Variants in CRHR2 observed in about 807,000 individuals in gnomAD.
CRHR2 encodes corticotropin-releasing hormone receptor 2.
Under a neutral mutation model 57.9 loss-of-function variants are expected in CRHR2, and 53 were observed. That is an observed-to-expected ratio of 0.92 (90% CI 0.73 to 1.15). The LOEUF (loss-of-function observed/expected upper bound fraction) is 1.15. Among genes scored for constraint, CRHR2 ranks in the 50% most tolerant of loss-of-function variants. The pLI is 0.00. For missense variants in CRHR2, 532 were observed against 542.6 expected, an observed-to-expected ratio of 0.98 and a Z score of 0.19; for synonymous variants, 213 against 220.9, an observed-to-expected ratio of 0.96 and a Z score of 0.32.
At chr7:30,691,960 A>G (rs1784969963) in intron 1 of CRHR2, among the ~76,000 whole-genome samples, 1 of 152,290 alleles carries the variant, frequency 6.6e-6, no homozygotes, top group South Asian at 2.1e-4. Flanking sequence ...CATTCCAAGG[A>G]CTTGAGAAGA....
At chr7:30,694,212 C>G (rs1416153184) in intron 1 of CRHR2, among the ~76,000 whole-genome samples, 1 of 152,218 alleles carries the variant, frequency 6.6e-6, no homozygotes, top group Non-Finnish European at 1.5e-5. Context: ...GCTTTTCCTG[C>G]TTGTTATATT....
chr7:30,689,322 C>T (rs1433981402), intron 1 of CRHR2: 2 of 1,518,610 alleles, frequency 1.3e-6, no homozygotes, highest in Non-Finnish European at 1.8e-6. Context: ...AGATCAGGCC[C>T]AGGCTAGCCA....
At chr7:30,679,140 G>A (rs1281100059) in intron 2 of CRHR2, among the ~76,000 whole-genome samples, 1 of 152,186 alleles carries the variant, frequency 6.6e-6, no homozygotes, top group Non-Finnish European at 1.5e-5. Context: ...GGCCTCTCCT[G>A]TGCCTATTAC....
At chr7:30,671,578 T>C (rs957257117) in intron 2 of CRHR2, among the ~76,000 whole-genome samples, 3 of 147,664 alleles carry the variant, frequency 2.0e-5, no homozygotes, top group African/African-American at 7.5e-5. Context: ...GGCAGGTGAA[T>C]TGCTTGAGCC....
At chr7:30,699,893 G>A in intron 1 of CRHR2, 1 of 1,417,024 alleles carries the variant, frequency 7.1e-7, no homozygotes, top group South Asian at 1.4e-5. Context: ...AGAGCTGGGA[G>A]CTCCGTGCTC....
rs192285063 is a variant in CRHR2, at chr7:30,659,685, C to T, written c.831+888G>A. 6.6e-5 allele frequency among the ~76,000 whole-genome samples: 10 copies of T among 152,206 alleles called. No homozygotes were observed. In the East Asian group the frequency reaches 1.2e-3, roughly 18 times the overall value. On this transcript the variant is annotated intron_variant, in intron 8 of 11. Transcript: ENST00000471646. The stretch of plus-strand genomic sequence containing the variant: ...CCAAAGATGGAGGTCAAATGAAACC[C>T]GAAGTCACAGAAAAAGGAGAGTAAG...
chr7:30,667,954 T>A (rs1253484787), intron 2 of CRHR2, among the ~76,000 whole-genome samples: 3 of 152,228 alleles, frequency 2.0e-5, no homozygotes, highest in Non-Finnish European at 4.4e-5. Flanking sequence ...CTTCTGTTCT[T>A]AACCTTTAGG....
At chr7:30,689,129 C>G (rs904485483) in intron 2 of CRHR2, 22 of 1,443,488 alleles carry the variant, frequency 1.5e-5, no homozygotes, top group East Asian at 9.9e-5. Flanking sequence ...AAGCCTCTTC[C>G]TCCCGCAGGG....
upstream of CRHR2, chr7:30,682,491 G>A (rs768465829): frequency 7.7e-7 from 1 of 1,306,888 alleles, no homozygotes; most frequent in African/African-American, 1.6e-5. Context: ...CCGAGTGCAC[G>A]GAGCTGCGGG....
rs991609899 is a variant in CRHR2, at chr7:30,654,734, C to T, written c.1095+305G>A. ...GCACACATCTCTTTCTGGAAGCTTC[C>T]TTCTGTCACCACCTCTGCTCTGGCT... On this transcript the variant is annotated intron_variant, in intron 11 of 11. Coordinates refer to ENST00000471646, the MANE Select transcript of CRHR2 (RefSeq NM_001883.5). 34 of 1,536,142 alleles carry T rather than the reference C, an allele frequency of 2.2e-5. No individual in the cohort carries two copies. In the African/African-American group the frequency reaches 2.3e-4, roughly 11 times the overall value.
In CRHR2 at chr7:30,653,742, C is replaced by T. The variant is rs1483581154; in HGVS notation, c.1096-142G>A. 2 of 1,025,128 alleles carry T rather than the reference C, an allele frequency of 2.0e-6. No individual in the cohort carries two copies. The highest frequency in any genetic ancestry group is 3.3e-5 in the African/African-American group (2 of 61,486). The allele number at this position is 1,025,128 out of a possible 1,614,324, so 63.5% of individuals were successfully genotyped here. A position where few individuals can be genotyped will look rare whatever the true frequency, so the allele number is the denominator to read the frequency against. ...TGTCTGCTTCCAAAACAGGTCCTTC[C>T]CTGATGCTGTTGCCTCTCTCCAGGG... On this transcript the variant is annotated intron_variant, in intron 11 of 11. Transcript: ENST00000471646. This position sits in a 1 kb window ranked among gnomAD's most constrained non-coding sequence, Gnocchi z 5.0.
chr7:30,673,344 G>T (rs1784422773), intron 2 of CRHR2, among the ~76,000 whole-genome samples: 1 of 152,090 alleles, frequency 6.6e-6, no homozygotes, highest in Non-Finnish European at 1.5e-5. Context: ...TGAGTAATGG[G>T]ACTACAGGCA....
chr7:30,667,213 G>A lies in CRHR2; in HGVS notation c.315+15C>T, dbSNP rs1461917196. ...TGTGTGAGGCCTGGGGTCACAGCAG[G>A]TGAGGGCCACTCACCTTGTCATCCA... On this transcript the variant is annotated intron_variant, in intron 3 of 11. Transcript: ENST00000471646. 2 of 1,612,690 alleles carry A rather than the reference G, an allele frequency of 1.2e-6. No individual in the cohort carries two copies. The highest frequency in any genetic ancestry group is 1.7e-6 in the Non-Finnish European group (2 of 1,178,808).
intron 1 of CRHR2, among the ~76,000 whole-genome samples, chr7:30,695,823 G>T (rs1223690598): frequency 6.6e-6 from 1 of 152,198 alleles, no homozygotes; most frequent in Non-Finnish European, 1.5e-5. Context: ...TCCTGGTCCT[G>T]CCACATACCA....
intron 2 of CRHR2, 83 bp downstream of exon 2, chr7:30,681,832 T>A: frequency 6.7e-7 from 1 of 1,498,422 alleles, no homozygotes; most frequent in Non-Finnish European, 8.8e-7. Flanking sequence ...TTTGTACCGC[T>A]GGGTCCGGAA....
At chr7:30,669,435 A>G (rs991867039) in intron 2 of CRHR2, among the ~76,000 whole-genome samples, 5 of 152,076 alleles carry the variant, frequency 3.3e-5, no homozygotes, top group African/African-American at 7.2e-5. Context: ...CCCGAATATG[A>G]TATCTCATGG....
intron 2 of CRHR2, 33 bp from the exon 3 acceptor site, chr7:30,667,346 C>A: frequency 6.3e-7 from 1 of 1,596,452 alleles, no homozygotes; most frequent in South Asian, 1.1e-5. Context: ...AGAGTCAGGT[C>A]ACTCCCCTCC....
chr7:30,694,330 G>A (rs1266680780), intron 1 of CRHR2, among the ~76,000 whole-genome samples: 1 of 152,190 alleles, frequency 6.6e-6, no homozygotes, highest in Non-Finnish European at 1.5e-5. Context: ...AAGAGGCAAA[G>A]GAGAGGCCCT....
intron 1 of CRHR2, among the ~76,000 whole-genome samples, chr7:30,691,358 C>A (rs1162864562): frequency 6.6e-6 from 1 of 152,224 alleles, no homozygotes; most frequent in Non-Finnish European, 1.5e-5. Flanking sequence ...GCAGCCATTC[C>A]ATCTCAGATG....
Sources: allele counts gnomAD v4.1 joint callset (sites outside exome capture counted in the v4.1 genomes callset), GRCh38; gene constraint gnomAD v4.1.1; non-coding constraint Gnocchi (gnomAD v3.1); transcripts MANE v1.5; gene names NCBI Gene and HGNC (gene_info 2026-07-23, HGNC 2026-07-21).